Variants in SLC30A7 observed in about 807,000 individuals in gnomAD.
SLC30A7 encodes zinc transporter 7.
Under a neutral mutation model 46.0 loss-of-function variants are expected in SLC30A7, and 35 were observed. That is an observed-to-expected ratio of 0.76 (90% CI 0.58 to 1.01). SLC30A7 has a LOEUF of 1.01. Ranked by LOEUF, SLC30A7 falls within the 50% of genes least tolerant of loss-of-function variation. The pLI is 0.00. For synonymous variants in SLC30A7, 147 were observed against 157.8 expected (o/e 0.93, Z 0.51); for missense variants, 464 against 451.1 (o/e 1.03, Z -0.26).
At chr1:100,939,136 C>G (rs1327090071) in intron 8 of SLC30A7, among the ~76,000 whole-genome samples, 1 of 151,804 alleles carries the variant, frequency 6.6e-6, no homozygotes, top group Non-Finnish European at 1.5e-5. Flanking sequence ...GGGAACTAGA[C>G]AAGGATTCTC....
rs973575088 is a variant in SLC30A7 at position 100,980,024 on chromosome 1, C to T, written c.*5167C>T. On this transcript the variant is annotated 3_prime_UTR_variant, in exon 11 of 11. Coordinates refer to ENST00000357650, the MANE Select transcript of SLC30A7 (RefSeq NM_133496.5). Reference sequence around the variant, plus strand: ...CCAGTGCCCTTATGATTATTTCCTACCTTTACCATTGATCTTAAACTGTGC... The same window carrying T: ...CCAGTGCCCTTATGATTATTTCCTATCTTTACCATTGATCTTAAACTGTGC... 1 of 152,128 alleles carries T rather than the reference C, an allele frequency of 6.6e-6. No individual in the cohort carries two copies. Among genetic ancestry groups the T allele is most frequent in the Admixed American group, 6.5e-5 (1 of 15,272 alleles). The allele number at this position is 152,128 out of a possible 1,614,324, so 9.4% of individuals were successfully genotyped here.
At chr1:100,956,866 C>G (rs1049880596) in intron 8 of SLC30A7, among the ~76,000 whole-genome samples, 1 of 152,140 alleles carries the variant, frequency 6.6e-6, no homozygotes, top group Non-Finnish European at 1.5e-5. Flanking sequence ...AAAATGGATA[C>G]AAGCATAATA....
chr1:100,956,847 TGGAAAA>T (rs1655250556), intron 8 of SLC30A7, among the ~76,000 whole-genome samples: 3 of 152,220 alleles, frequency 2.0e-5, no homozygotes, highest in African/African-American at 7.2e-5. Context: ...CAAAAGTTCA[TGGAAAA>T]TGAAAATGGA....
At chr1:100,986,856 A>G in the SLC30A7 span, among the ~76,000 whole-genome samples, 1 of 152,214 alleles carries the variant, frequency 6.6e-6, no homozygotes, top group African/African-American at 2.4e-5. Flanking sequence ...ATAGTGTTTC[A>G]CTACATGATA....
At position 100,923,258 on chromosome 1, in the gene SLC30A7, C is replaced by T. The variant is rs986057429; in HGVS notation, c.842+1417C>T. 1.0e-4 allele frequency among the ~76,000 whole-genome samples: 11 copies of T among 105,794 alleles called. 1 individual carries two copies. The highest frequency in any genetic ancestry group is 8.8e-5 in the Admixed American group (1 of 11,310). 69.4% of individuals were successfully genotyped at this position (105,794 alleles called of 152,430 possible). On this transcript the variant is annotated intron_variant, in intron 8 of 10. Coordinates refer to ENST00000357650, the MANE Select transcript of SLC30A7 (RefSeq NM_133496.5). ...GTCTCGATCTCCTGACCTCGTGATC[C>T]GCCCGCCTCGGCCTCCCAAAGTGCT... is the stretch of plus-strand genomic sequence containing the variant.
intron 9 of SLC30A7, among the ~76,000 whole-genome samples, chr1:100,962,938 T>G (rs1285436223): frequency 6.6e-6 from 1 of 152,184 alleles, no homozygotes; most frequent in Non-Finnish European, 1.5e-5. Context: ...AGAGAAAGTG[T>G]TGGCTTATTA....
At chr1:100,933,883 G>A (rs531521821) in intron 8 of SLC30A7, among the ~76,000 whole-genome samples, 2 of 152,330 alleles carry the variant, frequency 1.3e-5, no homozygotes, top group African/African-American at 4.8e-5. Flanking sequence ...TTAAGGTTCA[G>A]TTCTAATACT....
intron 8 of SLC30A7, 21 bp downstream of exon 8, chr1:100,921,862 C>T (rs1652953407): frequency 1.3e-6 from 2 of 1,558,424 alleles, no homozygotes; most frequent in Non-Finnish European, 1.7e-6. Context: ...TTGTTACTTT[C>T]AAGTATTAAA....
At chr1:100,945,119 C>T (rs937477830) in intron 8 of SLC30A7, among the ~76,000 whole-genome samples, 5 of 152,170 alleles carry the variant, frequency 3.3e-5, no homozygotes. Flanking sequence ...ATCCTTCTCC[C>T]ACTTTTTGAT....
chr1:100,897,662 A>G (rs1651051638), intron 2 of SLC30A7, among the ~76,000 whole-genome samples: 1 of 152,190 alleles, frequency 6.6e-6, no homozygotes, highest in African/African-American at 2.4e-5. Context: ...GACAGGTAAT[A>G]TCACCAGGTT....
chr1:100,899,866 T>TCA (rs1651191976), intron 2 of SLC30A7, among the ~76,000 whole-genome samples: 1 of 152,076 alleles, frequency 6.6e-6, no homozygotes, highest in Non-Finnish European at 1.5e-5. Context: ...CACAATGCTT[T>TCA]CACTAAAATT....
intron 8 of SLC30A7, among the ~76,000 whole-genome samples, chr1:100,950,027 C>T (rs1255813331): frequency 6.6e-6 from 1 of 152,184 alleles, no homozygotes; most frequent in African/African-American, 2.4e-5. Context: ...CACCCACTGT[C>T]CAACCAGGCC....
the SLC30A7 span, among the ~76,000 whole-genome samples, chr1:100,992,273 C>T: frequency 4.0e-5 from 6 of 151,874 alleles, no homozygotes; most frequent in African/African-American, 7.3e-5. Flanking sequence ...AATAAAAGAA[C>T]GATAAGTATA....
rs193236627 is a variant in SLC30A7, at chr1:100,918,937, A to T, written c.706+810A>T. ...GAAGTATAGTTTCTACTGAATGCAT[A>T]CTGCTTTCACACCATCATGAAGCCA... On this transcript the variant is annotated intron_variant, in intron 7 of 10. Transcript: ENST00000357650. Among the ~76,000 whole-genome samples, 4 of 152,340 alleles carry T rather than the reference A, an allele frequency of 2.6e-5. No homozygotes were observed. In the East Asian group the frequency reaches 7.7e-4, roughly 29 times the overall value.
At chr1:100,910,434 T>G (rs1274393479) in intron 3 of SLC30A7, among the ~76,000 whole-genome samples, 1 of 152,118 alleles carries the variant, frequency 6.6e-6, no homozygotes, top group Non-Finnish European at 1.5e-5. Context: ...ATAGTTTAAT[T>G]AGAATTATGT....
chr1:100,913,283 A>G (rs1652255349), intron 5 of SLC30A7, among the ~76,000 whole-genome samples: 1 of 152,144 alleles, frequency 6.6e-6, no homozygotes, highest in Non-Finnish European at 1.5e-5. Flanking sequence ...AATTTTGGGC[A>G]TGAATTTTGT....
At chr1:100,966,358 T>G (rs1655873620) in intron 10 of SLC30A7, among the ~76,000 whole-genome samples, 1 of 151,558 alleles carries the variant, frequency 6.6e-6, no homozygotes, top group African/African-American at 2.4e-5. Flanking sequence ...CTGAGTCAGG[T>G]GGATCACGAG....
At chr1:100,930,410 A>G (rs1653596728) in intron 8 of SLC30A7, among the ~76,000 whole-genome samples, 1 of 151,900 alleles carries the variant, frequency 6.6e-6, no homozygotes, top group African/African-American at 2.4e-5. Context: ...TAGAATGTAT[A>G]CTAATGGAAA....
intron 7 of SLC30A7, among the ~76,000 whole-genome samples, chr1:100,919,925 G>C (rs1570530844): frequency 6.6e-6 from 1 of 152,016 alleles, no homozygotes; most frequent in South Asian, 2.1e-4. Context: ...GTTTTGGGGG[G>C]TTAGGTTATC....
Sources: allele counts gnomAD v4.1 joint callset (sites outside exome capture counted in the v4.1 genomes callset), GRCh38; gene constraint gnomAD v4.1.1; transcripts MANE v1.5; gene names NCBI Gene and HGNC (gene_info 2026-07-23, HGNC 2026-07-21).